The following ZNF3 variants were observed in gnomAD, a reference collection of about 807,000 sequenced individuals.
ZNF3 encodes the protein zinc finger protein 3.
A neutral mutation model predicts 36.9 loss-of-function variants in ZNF3; 16 were observed. The observed-to-expected ratio is 0.43, with a 90% CI of 0.29 to 0.66. The LOEUF is 0.66. Among genes scored for constraint, ZNF3 ranks in the 30% least tolerant of loss-of-function variants. The pLI is 0.13. For missense variants in ZNF3, 462 were observed against 543.1 expected, an observed-to-expected ratio of 0.85 and a Z score of 1.48; for synonymous variants, 201 against 201.9, an observed-to-expected ratio of 1.00 and a Z score of 0.04.
chr7:100,068,020 G>A (rs1002944526), downstream of ZNF3, among the ~76,000 whole-genome samples: 1 of 152,194 alleles, frequency 6.6e-6, no homozygotes, highest in African/African-American at 2.4e-5. Flanking sequence ...GAAAGTCCAG[G>A]TGTAACTGCT....
chr7:100,074,791 TGGGAGGCCAAGAC>T (rs1460621575), intron 5 of ZNF3, among the ~76,000 whole-genome samples: 2 of 152,186 alleles, frequency 1.3e-5, no homozygotes, highest in African/African-American at 4.8e-5. Flanking sequence ...CCCAGCACTT[TGGGAGGCCAAGAC>T]GGGTGGATCA....
downstream of ZNF3, among the ~76,000 whole-genome samples, chr7:100,069,715 G>A (rs1309896925): frequency 6.6e-6 from 1 of 152,070 alleles, no homozygotes; most frequent in Non-Finnish European, 1.5e-5. Flanking sequence ...CCGGGTTCAA[G>A]TAGTTCTCCT....
At chr7:100,073,908 C>T (rs1562869086) in intron 5 of ZNF3, among the ~76,000 whole-genome samples, 1 of 151,852 alleles carries the variant, frequency 6.6e-6, no homozygotes, top group Non-Finnish European at 1.5e-5. Context: ...GTAATCTCAG[C>T]ACTTTGGGAG....
chr7:100,071,924 A>T lies in ZNF3; in HGVS notation c.560T>A (p.Leu187His), dbSNP rs753246111. Residue 187 changes from leucine (L) to histidine (H), a missense_variant, in exon 6 of 6, where the codon CTT becomes CAT. Leu to His is a moderately conservative substitution (Grantham distance 99). Coordinates refer to ENST00000299667, the MANE Select transcript of ZNF3 (RefSeq NM_032924.5). ...FGNSFTVNSN[L>H]ISHQRLPVGD... ...CACGGGGAGTCTCTGATGTGAGATA[A>T]GGTTGGAATTCACAGTGAAGCTGTT... is the stretch of plus-strand genomic sequence containing the variant. The T allele has an allele frequency of 2.4e-5, 38 of 1,614,116 alleles. No homozygotes were observed. The highest frequency in any genetic ancestry group is 3.1e-5 in the Non-Finnish European group (36 of 1,180,052).
intron 2 of ZNF3, 30 bp from the exon 3 acceptor site, chr7:100,077,463 A>G: frequency 6.3e-7 from 1 of 1,580,586 alleles, no homozygotes; most frequent in African/African-American, 1.4e-5. Flanking sequence ...AGGTTCAAAG[A>G]TAATTCAAAA....
chr7:100,072,345 GT>G, intron 5 of ZNF3, 133 bp from the exon 6 acceptor site: 1 of 822,128 alleles, frequency 1.2e-6, no homozygotes, highest in Non-Finnish European at 1.9e-6. Flanking sequence ...CCCCACATGT[GT>G]GCGGCTAAGG....
downstream of ZNF3, among the ~76,000 whole-genome samples, chr7:100,069,372 G>A (rs938820512): frequency 2.0e-5 from 3 of 152,012 alleles, no homozygotes; most frequent in Non-Finnish European, 4.4e-5. Flanking sequence ...GCAACATGGT[G>A]AAACCCCATC....
Position 100,072,178 on chromosome 7 carries a change from A to T in ZNF3, c.306T>A (p.Ile102=). The change falls in exon 6 of 6, where the codon ATT becomes ATA. Residue 102 remains isoleucine, a synonymous_variant. Transcript: ENST00000299667. ...CCCCATGTGATCTTGTGTCTTCAGA[A>T]ATTTCTTGATCATTTTCAGTCCTGG... The part of the protein sequence containing the change: ...RETRTENDQE[I]SEDTRSHGVL... 6.3e-7 allele frequency: 1 copy of T among 1,597,074 alleles called. No homozygotes were observed. The highest frequency in any genetic ancestry group is 8.5e-7 in the Non-Finnish European group (1 of 1,175,272).
At chr7:100,073,613 G>A (rs1214045393) in intron 5 of ZNF3, among the ~76,000 whole-genome samples, 5 of 151,838 alleles carry the variant, frequency 3.3e-5, no homozygotes, top group Non-Finnish European at 5.9e-5. Context: ...GTCTCCCAAA[G>A]TGCTGGGATT....
Position 100,073,332 on chromosome 7 carries a change from A to C in ZNF3, c.272-1120T>G, listed in dbSNP as rs1793517221. 2.0e-5 allele frequency among the ~76,000 whole-genome samples: 3 copies of C among 152,076 alleles called. No homozygotes were observed. In the South Asian group the frequency reaches 6.2e-4, roughly 32 times the overall value. On this transcript the variant is annotated intron_variant, in intron 5 of 5. Coordinates refer to ENST00000299667, the MANE Select transcript of ZNF3 (RefSeq NM_032924.5). ...TCTACATCCTAAAAGTTGAGAAACT[A>C]ATTTATTAATCTTTCTTTTTTTGTT...
intron 5 of ZNF3, 80 bp from the exon 6 acceptor site, chr7:100,072,292 G>T: frequency 7.7e-7 from 1 of 1,305,046 alleles, no homozygotes; most frequent in Non-Finnish European, 1.0e-6. Context: ...TCATTGTAAC[G>T]AATACTTACA....
rs1792928907 is a variant in ZNF3 at position 100,070,307 on chromosome 7, A to C, written c.*836T>G. The stretch of plus-strand genomic sequence containing the variant: ...GAGGGCAGGGCAAGCAGGCCAAGTG[A>C]GCTCCTTGAAAGCATCCTTACCCAG... On this transcript the variant is annotated 3_prime_UTR_variant, in exon 6 of 6. Transcript: ENST00000299667. 2 of 985,388 alleles carry C rather than the reference A, an allele frequency of 2.0e-6. No individual in the cohort carries two copies. The highest frequency in any genetic ancestry group is 3.5e-5 in the African/African-American group (2 of 57,206). The allele number at this position is 985,388 out of a possible 1,614,324, so 61.0% of individuals were successfully genotyped here.
exon 6 of ZNF3, chr7:100,064,638 TGTC>T (rs749396757): frequency 2.5e-6 from 4 of 1,605,232 alleles, no homozygotes; most frequent in South Asian, 1.1e-5. Context: ...CTCCTGTTGT[TGTC>T]GTTGTTTTAA....
exon 6 of ZNF3, chr7:100,064,325 G>C: frequency 8.7e-6 from 14 of 1,613,742 alleles, no homozygotes; most frequent in Non-Finnish European, 1.2e-5. Flanking sequence ...AGCCTCATTC[G>C]TCACTATCGG....
intron 2 of ZNF3, chr7:100,077,654 C>T (rs1794338184): frequency 4.1e-6 from 1 of 244,234 alleles, no homozygotes; most frequent in South Asian, 8.5e-5. Flanking sequence ...CTCCTGGGCT[C>T]AAGCTATCCT....
Position 100,081,047 on chromosome 7 carries a change from G to A in ZNF3, c.-198+588C>T, listed in dbSNP as rs1794925538. On this transcript the variant is annotated intron_variant, in intron 1 of 5. Coordinates refer to ENST00000299667, the MANE Select transcript of ZNF3 (RefSeq NM_032924.5). The surrounding 1 kb of genome is among the most constrained non-coding windows in gnomAD (Gnocchi z 4.3). ...CGATGTGGATTCAATCCCACTTCCG[G>A]AGAGAGGATCAAACCAGGAATCTAA... is the stretch of plus-strand genomic sequence containing the variant. Among the ~76,000 whole-genome samples, 3 of 152,142 alleles carry A rather than the reference G, an allele frequency of 2.0e-5. No homozygotes were observed. In the South Asian group the frequency reaches 6.2e-4, roughly 32 times the overall value.
In ZNF3 at chr7:100,070,287, C is replaced by G; in HGVS notation, c.*856G>C. ...GGGCTGGGTGTCAGAGGTGAGAGGG[C>G]AGGGCAAGCAGGCCAAGTGAGCTCC... On this transcript the variant is annotated 3_prime_UTR_variant, in exon 6 of 6. Transcript: ENST00000299667. 1.0e-6 allele frequency: 1 copy of G among 985,482 alleles called. No individual in the cohort carries two copies. The allele number at this position is 985,482 out of a possible 1,614,324, so 61.0% of individuals were successfully genotyped here.
At chr7:100,080,429 G>A (rs1003268406) in intron 1 of ZNF3, among the ~76,000 whole-genome samples, 5 of 152,104 alleles carry the variant, frequency 3.3e-5, no homozygotes, top group African/African-American at 1.2e-4. Context: ...AGGAGTTCCA[G>A]GCTATGGTGA....
Position 100,071,843 on chromosome 7 carries a change from T to G in ZNF3, c.641A>C (p.Asp214Ala). 2 of 1,614,050 alleles carry G rather than the reference T, an allele frequency of 1.2e-6. No individual in the cohort carries two copies. The highest frequency in any genetic ancestry group is 1.7e-6 in the Non-Finnish European group (2 of 1,179,928). The change falls in exon 6 of 6, where the codon GAC (aspartate) becomes GCC (alanine). Residue 214 changes from aspartate (D) to alanine (A), a missense_variant. Coordinates refer to ENST00000299667, the MANE Select transcript of ZNF3 (RefSeq NM_032924.5). ...GTGGATTCTCTGATGTTGAATAAGGTCTGAAGTTCGATTAAAGCTCTTGCT... is the reference window on the plus strand; with the variant it reads ...GTGGATTCTCTGATGTTGAATAAGGGCTGAAGTTCGATTAAAGCTCTTGCT... ...ECSKSFNRTS[D>A]LIQHQRIHTG...
Sources: allele counts gnomAD v4.1 joint callset (sites outside exome capture counted in the v4.1 genomes callset), GRCh38; gene constraint gnomAD v4.1.1; non-coding constraint Gnocchi (gnomAD v3.1); transcripts MANE v1.5; gene names NCBI Gene and HGNC (gene_info 2026-07-23, HGNC 2026-07-21).